MRPL1: variants seen among roughly 807,000 people sequenced by gnomAD.
MRPL1 encodes mitochondrial ribosomal protein L1.
In MRPL1, 28 loss-of-function variants were observed where a neutral mutation model predicts 38.0. The observed-to-expected ratio is 0.74, with a 90% CI of 0.55 to 1.01. MRPL1 has a LOEUF of 1.01. Ranked by LOEUF, MRPL1 falls within the 50% of genes least tolerant of loss-of-function variation. The pLI, the probability that MRPL1 is intolerant of heterozygous loss-of-function variation, is 0.00. For synonymous variants in MRPL1, 123 were observed against 126.7 expected, an observed-to-expected ratio of 0.97 and a Z score of 0.20; for missense variants, 358 against 389.8, an observed-to-expected ratio of 0.92 and a Z score of 0.69.
chr4:77,909,441 A>G (rs189430087), intron 7 of MRPL1, 69 bp downstream of exon 7: 11 of 942,180 alleles, frequency 1.2e-5, no homozygotes, highest in Non-Finnish European at 1.8e-5. Context: ...AGTAATTTAT[A>G]ATATTATAAA....
At chr4:77,944,155 C>T (rs1737200170) in intron 7 of MRPL1, among the ~76,000 whole-genome samples, 2 of 152,194 alleles carry the variant, frequency 1.3e-5, no homozygotes, top group Admixed American at 1.3e-4. Context: ...TGTTATTTCT[C>T]TTCTGGATCT....
Position 77,925,580 on chromosome 4 carries a change from C to CT in MRPL1, c.777+16215dup, listed in dbSNP as rs1192439959. Reference sequence around the variant, plus strand: ...TTTTTAAATTTGTAGTTTATTGCTGCTTTTTTTCCTTATCCTGTTTTTCTG... The same window carrying CT: ...TTTTTAAATTTGTAGTTTATTGCTGCTTTTTTTTCCTTATCCTGTTTTTCTG... On this transcript the variant is annotated intron_variant, in intron 7 of 8. Coordinates refer to ENST00000315567, the MANE Select transcript of MRPL1 (RefSeq NM_020236.4). 2.0e-5 allele frequency among the ~76,000 whole-genome samples: 3 copies of CT among 149,720 alleles called. No homozygotes were observed. The East Asian group carries it at 5.9e-4, about 29-fold the overall frequency.
chr4:77,909,015 A>C (rs1437526298), intron 6 of MRPL1, among the ~76,000 whole-genome samples: 1 of 152,224 alleles, frequency 6.6e-6, no homozygotes, highest in East Asian at 1.9e-4. Context: ...AGTCTTCTTC[A>C]AGACAGGCAT....
intron 5 of MRPL1, among the ~76,000 whole-genome samples, chr4:77,887,927 G>T (rs2110237649): frequency 6.6e-6 from 1 of 152,216 alleles, no homozygotes; most frequent in Admixed American, 6.5e-5. Flanking sequence ...ATAGGAAAGG[G>T]CAGTGTGACT....
chr4:77,862,996 C>G, intron 1 of MRPL1, 117 bp downstream of exon 1: 1 of 1,328,458 alleles, frequency 7.5e-7, no homozygotes, highest in South Asian at 1.2e-5. Flanking sequence ...TGTTTCTGGT[C>G]TCTAGGTTTT....
chr4:77,883,429 A>G lies in MRPL1; in HGVS notation c.331A>G (p.Ile111Val). Reference protein sequence around the residue: ...KAVHLLKKFQILDFTSPKQSV... With the variant: ...KAVHLLKKFQVLDFTSPKQSV... ...TGTTCACTTACTTAAGAAATTTCAA[A>G]TTCTTGACTTTACTAGTCCAAAGCA... is the stretch of plus-strand genomic sequence containing the variant. The change falls in exon 3 of 9, where the codon ATT becomes GTT. Residue 111 changes from isoleucine (I) to valine (V), a missense_variant. Physicochemically the swap from Ile to Val is conservative, Grantham distance 29. Transcript: ENST00000315567. 1.2e-6 allele frequency: 2 copies of G among 1,613,858 alleles called. No individual in the cohort carries two copies. Among genetic ancestry groups the G allele is most frequent in the African/African-American group, 2.7e-5 (2 of 75,032 alleles).
At chr4:77,918,356 C>T (rs553807625) in intron 7 of MRPL1, among the ~76,000 whole-genome samples, 12 of 152,140 alleles carry the variant, frequency 7.9e-5, no homozygotes, top group South Asian at 6.2e-4. Flanking sequence ...AGGGCTTCTT[C>T]GCTCCACAGG....
chr4:77,947,787 A>G (rs1302866313), intron 7 of MRPL1, among the ~76,000 whole-genome samples: 1 of 152,256 alleles, frequency 6.6e-6, no homozygotes, highest in East Asian at 1.9e-4. Flanking sequence ...GAGATATGTA[A>G]CATTTCCATA....
At chr4:77,867,861 G>C (rs969945591) in intron 1 of MRPL1, among the ~76,000 whole-genome samples, 1 of 144,208 alleles carries the variant, frequency 6.9e-6, no homozygotes, top group African/African-American at 2.6e-5. Flanking sequence ...GGTTCACGCC[G>C]TTCTCCTGCT....
chr4:77,926,099 T>TA (rs986728069), intron 7 of MRPL1, among the ~76,000 whole-genome samples: 1 of 152,230 alleles, frequency 6.6e-6, no homozygotes, highest in Non-Finnish European at 1.5e-5. Flanking sequence ...GGGCTCTAGA[T>TA]ACCTCTGGAA....
chr4:77,947,345 T>C (rs1737295356), intron 7 of MRPL1, among the ~76,000 whole-genome samples: 1 of 152,364 alleles, frequency 6.6e-6, no homozygotes, highest in Non-Finnish European at 1.5e-5. Context: ...ATCACTTTAG[T>C]TAAACATATA....
intron 5 of MRPL1, among the ~76,000 whole-genome samples, chr4:77,893,674 T>A (rs1342815256): frequency 1.3e-5 from 2 of 152,224 alleles, no homozygotes; most frequent in Non-Finnish European, 2.9e-5. Context: ...GTGAAAGTAA[T>A]TATAAATTCA....
intron 7 of MRPL1, among the ~76,000 whole-genome samples, chr4:77,913,926 CAG>C (rs1736354938): frequency 6.6e-6 from 1 of 152,102 alleles, no homozygotes; most frequent in Non-Finnish European, 1.5e-5. Context: ...TGTATGATGA[CAG>C]AAAGCAGACC....
rs536021491 is a variant in MRPL1 at position 77,879,526 on chromosome 4, A to G, written c.144-3716A>G. 1.1e-4 allele frequency among the ~76,000 whole-genome samples: 17 copies of G among 152,328 alleles called. No individual in the cohort carries two copies. In the South Asian group the frequency reaches 3.1e-3, roughly 28 times the overall value. ...AAAAGTCATATTTCAGCCTTGGGGAATATCAGATTAATTGCAAATTAATTG... is the reference window on the plus strand; with the variant it reads ...AAAAGTCATATTTCAGCCTTGGGGAGTATCAGATTAATTGCAAATTAATTG... On this transcript the variant is annotated intron_variant, in intron 2 of 8. Transcript: ENST00000315567.
intron 1 of MRPL1, among the ~76,000 whole-genome samples, chr4:77,866,699 G>C (rs149489551): frequency 1.3e-5 from 2 of 150,686 alleles, no homozygotes; most frequent in Non-Finnish European, 2.9e-5. Context: ...TGGTGTTTGC[G>C]TGGCTAACTT....
rs762152101 is a variant in MRPL1, at chr4:77,885,245, CAT to C, written c.403-10_403-9del. The C allele has an allele frequency of 1.3e-6, 2 of 1,594,360 alleles. No individual in the cohort carries two copies. The highest frequency in any genetic ancestry group is 1.7e-6 in the Non-Finnish European group (2 of 1,162,040). ...ACTTTACGTAATTATTTTTCCTTGT[CAT>C]GTGTTTAGAAAAACGTGGAGCCATT... is the stretch of plus-strand genomic sequence containing the variant. On this transcript the variant is annotated splice_polypyrimidine_tract_variant and intron_variant, in intron 3 of 8. Transcript: ENST00000315567.
intron 2 of MRPL1, among the ~76,000 whole-genome samples, chr4:77,877,602 T>TA (rs1186286550): frequency 1.3e-5 from 2 of 151,162 alleles, no homozygotes; most frequent in East Asian, 3.9e-4. Flanking sequence ...TTTTTTTTTT[T>TA]TTTTTTTAAA....
At chr4:77,878,084 A>ACCTGCT (rs1033291484) in intron 2 of MRPL1, among the ~76,000 whole-genome samples, 1 of 151,976 alleles carries the variant, frequency 6.6e-6, no homozygotes, top group African/African-American at 2.4e-5. Context: ...GTTGTTTCTT[A>ACCTGCT]CCTGCTTGCC....
At position 77,925,729 on chromosome 4, in the gene MRPL1, C is replaced by T. The variant is rs142033319; in HGVS notation, c.777+16357C>T. On this transcript the variant is annotated intron_variant, in intron 7 of 8. Coordinates refer to ENST00000315567, the MANE Select transcript of MRPL1 (RefSeq NM_020236.4). ...TCTAATTACAATTTTGGCTGCATCACCATGTTTTGATTCTTAGTTTTCTTG... is the reference window on the plus strand; with the variant it reads ...TCTAATTACAATTTTGGCTGCATCATCATGTTTTGATTCTTAGTTTTCTTG... 4.2e-3 allele frequency among the ~76,000 whole-genome samples: 636 copies of T among 151,574 alleles called. 3 individuals are homozygous for T. Among genetic ancestry groups the T allele is most frequent in the Middle Eastern group, 0.014 (4 of 292 alleles).
Sources: allele counts gnomAD v4.1 joint callset (sites outside exome capture counted in the v4.1 genomes callset), GRCh38; gene constraint gnomAD v4.1.1; transcripts MANE v1.5; gene names NCBI Gene and HGNC (gene_info 2026-07-23, HGNC 2026-07-21).